EIF2AK1: variants seen among roughly 807,000 people sequenced by gnomAD.
EIF2AK1 encodes eukaryotic translation initiation factor 2 alpha kinase 1, also known as eukaryotic translation initiation factor 2-alpha kinase 1.
In EIF2AK1, 54 loss-of-function variants were observed where a neutral mutation model predicts 77.9. That is an observed-to-expected ratio of 0.69 (90% CI 0.56 to 0.87). EIF2AK1 has a LOEUF of 0.87. Among genes scored for constraint, EIF2AK1 ranks in the 40% least tolerant of loss-of-function variants. EIF2AK1 has a pLI of 0.00. For synonymous variants in EIF2AK1, 314 were observed against 290.5 expected (o/e 1.08, Z -0.82); for missense variants, 810 against 768.6 (o/e 1.05, Z -0.64).
intron 2 of EIF2AK1, among the ~76,000 whole-genome samples, chr7:6,051,496 C>A (rs547566357): frequency 1.3e-5 from 2 of 152,124 alleles, no homozygotes; most frequent in East Asian, 1.9e-4. Flanking sequence ...GTGGAGCGAT[C>A]TCAGATCACT....
chr7:6,028,863 G>C, intron 12 of EIF2AK1, 55 bp downstream of exon 12: 1 of 1,494,710 alleles, frequency 6.7e-7, no homozygotes, highest in Non-Finnish European at 9.2e-7. Context: ...ATACTAACAT[G>C]TGCAACCATG....
chr7:6,041,232 A>C lies in EIF2AK1; in HGVS notation c.792-13T>G. 1 of 1,587,824 alleles carries C rather than the reference A, an allele frequency of 6.3e-7. No individual in the cohort carries two copies. The highest frequency in any genetic ancestry group is 8.5e-7 in the Non-Finnish European group (1 of 1,172,184). On this transcript the variant is annotated splice_polypyrimidine_tract_variant and intron_variant, in intron 8 of 14. Coordinates refer to ENST00000199389, the MANE Select transcript of EIF2AK1 (RefSeq NM_014413.4). ...ACCACATTGCTCTCTGAAAAAAAAA[A>C]AAATAGTAAACATAAAAGTCAATGG...
rs57579824 is a variant in EIF2AK1, at chr7:6,045,733, T to TTATATATATATATATA, written c.630+322_630+337dup. 2.2e-4 allele frequency among the ~76,000 whole-genome samples: 31 copies of TTATATATATATATATA among 138,032 alleles called. No homozygotes were observed. The East Asian group carries it at 3.5e-3, about 15-fold the overall frequency. 90.6% of individuals were successfully genotyped at this position (138,032 alleles called of 152,430 possible). On this transcript the variant is annotated intron_variant, in intron 6 of 14. Coordinates refer to ENST00000199389, the MANE Select transcript of EIF2AK1 (RefSeq NM_014413.4). Reference sequence around the variant, plus strand: ...TTAAGAAGTTAACATATTTTAAAAATTATATATATATATATATATAAATTA... The same window carrying TTATATATATATATATA: ...TTAAGAAGTTAACATATTTTAAAAATTATATATATATATATATATATATATATATATATATAAATTA...
intron 1 of EIF2AK1, among the ~76,000 whole-genome samples, chr7:6,055,769 T>TC (rs1228783225): frequency 1.7e-4 from 26 of 149,250 alleles, no homozygotes; most frequent in Admixed American, 1.5e-3. Flanking sequence ...TCACCTAAGG[T>TC]CAGGAGTTCG....
intron 8 of EIF2AK1, 42 bp downstream of exon 8, chr7:6,042,891 C>A: frequency 6.5e-7 from 1 of 1,546,738 alleles, no homozygotes; most frequent in Non-Finnish European, 8.9e-7. Context: ...AAGCCCAATG[C>A]AGGTGACAAG....
chr7:6,048,555 G>A (rs552767752), intron 4 of EIF2AK1, among the ~76,000 whole-genome samples: 177 of 152,272 alleles, frequency 1.2e-3, no homozygotes, highest in African/African-American at 3.9e-3. Flanking sequence ...CCCCCTAACA[G>A]AGCCTGGGTA....
At chr7:6,040,769 G>T in intron 9 of EIF2AK1, 123 bp downstream of exon 9, 1 of 797,860 alleles carries the variant, frequency 1.3e-6, no homozygotes, top group Non-Finnish European at 2.0e-6. Flanking sequence ...AGGGGAACAT[G>T]GCCAGTACAA....
intron 3 of EIF2AK1, 58 bp downstream of exon 3, chr7:6,049,854 T>A (rs1788554485): frequency 6.8e-7 from 1 of 1,462,636 alleles, no homozygotes. Context: ...TAAAATATAA[T>A]TATCTTAAAA....
chr7:6,034,011 G>A (rs1450755517), intron 11 of EIF2AK1, among the ~76,000 whole-genome samples: 5 of 151,352 alleles, frequency 3.3e-5, no homozygotes, highest in Non-Finnish European at 5.9e-5. Context: ...TACTATCCGA[G>A]TGAATGAAAG....
At chr7:6,029,386 G>A (rs764433638) in intron 11 of EIF2AK1, among the ~76,000 whole-genome samples, 1 of 151,932 alleles carries the variant, frequency 6.6e-6, no homozygotes, top group Non-Finnish European at 1.5e-5. Flanking sequence ...CCTGCTACTA[G>A]GGAGACTGAG....
At position 6,044,614 on chromosome 7, in the gene EIF2AK1, A is replaced by C. The variant is rs1029123585; in HGVS notation, c.678T>G (p.Ile226Met). The change falls in exon 7 of 15, where the codon ATT becomes ATG. Residue 226 changes from isoleucine to methionine, a missense_variant. By Grantham distance (10) the Ile-to-Met change is conservative. Around this residue, in one of 3 missense-constraint regions of EIF2AK1, gnomAD observed 549 missense variants for 533.7 expected, o/e 1.03. Coordinates refer to ENST00000199389, the MANE Select transcript of EIF2AK1 (RefSeq NM_014413.4). ...CTATCCACGCGGTGTGATAGCCAAC[A>C]ATATTGGGGTGCTGAAGACCTGCCA... The part of the protein sequence containing the change: ...KVLAGLQHPN[I>M]VGYHTAWIEH... 6.2e-7 allele frequency: 1 copy of C among 1,614,078 alleles called. No homozygotes were observed. The highest frequency in any genetic ancestry group is 1.7e-5 in the Admixed American group (1 of 60,006).
Position 6,026,910 on chromosome 7 carries a change from C to T in EIF2AK1, c.1582G>A (p.Gly528Arg), listed in dbSNP as rs1787763523. ...ACTTCTGCTCGCTCCATTTCTGTTC[C>T]AAACGGCTGAAAGAGCTCTAGCAGG... ...VVLLELFQPF[G>R]TEMERAEVLT... is the part of the protein sequence containing the mutation. The change falls in exon 14 of 15, where the codon GGA becomes AGA. Residue 528 changes from glycine to arginine, a missense_variant. Coordinates refer to ENST00000199389, the MANE Select transcript of EIF2AK1 (RefSeq NM_014413.4). The T allele has an allele frequency of 6.2e-7, 1 of 1,613,984 alleles. No homozygotes were observed. Among genetic ancestry groups the T allele is most frequent in the Non-Finnish European group, 8.5e-7 (1 of 1,180,028 alleles).
chr7:6,031,207 AG>A (rs2128886029), intron 11 of EIF2AK1, among the ~76,000 whole-genome samples: 1 of 152,306 alleles, frequency 6.6e-6, no homozygotes, highest in Non-Finnish European at 1.5e-5. Flanking sequence ...TCTATGATCA[AG>A]GAACAAAGTC....
chr7:6,046,023 G>C (rs13238792), intron 6 of EIF2AK1, 48 bp downstream of exon 6: 1 of 1,275,122 alleles, frequency 7.8e-7, no homozygotes, highest in Non-Finnish European at 1.1e-6. Flanking sequence ...CTTTCAAAAA[G>C]AACTAAATAC....
Position 6,036,000 on chromosome 7 carries a change from G to C in EIF2AK1, c.1332+1424C>G. On this transcript the variant is annotated intron_variant, in intron 11 of 14. Coordinates refer to ENST00000199389, the MANE Select transcript of EIF2AK1 (RefSeq NM_014413.4). This position sits in a 1 kb window ranked among gnomAD's most constrained non-coding sequence, Gnocchi z 5.5. ...CCATGAGGCATGCTTTGGAGGCAGAGAGGCAATCATCAATCTCCTGCTTGA... is the reference window on the plus strand; with the variant it reads ...CCATGAGGCATGCTTTGGAGGCAGACAGGCAATCATCAATCTCCTGCTTGA... 3 of 1,551,102 alleles carry C rather than the reference G, an allele frequency of 1.9e-6. No individual in the cohort carries two copies. Among genetic ancestry groups the C allele is most frequent in the South Asian group, 1.2e-5 (1 of 84,052 alleles).
At chr7:6,045,230 C>G (rs143374193) in intron 6 of EIF2AK1, among the ~76,000 whole-genome samples, 2,025 of 152,016 alleles carry the variant, frequency 0.013, 21 homozygotes, top group Non-Finnish European at 0.02. Flanking sequence ...CTCAGCCTCC[C>G]GAGCAGCTGG....
rs748150480 is a variant in EIF2AK1, at chr7:6,044,668, A to G, written c.631-7T>C. The stretch of plus-strand genomic sequence containing the variant: ...CCTTCACTTCCCGTAGGACCTAGAA[A>G]AGAAATGGAAGTAGATCTGCCTTTT... On this transcript the variant is annotated splice_region_variant and splice_polypyrimidine_tract_variant and intron_variant, in intron 6 of 14. Transcript: ENST00000199389. 33 of 1,611,822 alleles carry G rather than the reference A, an allele frequency of 2.0e-5. No individual in the cohort carries two copies. Among genetic ancestry groups the G allele is most frequent in the Non-Finnish European group, 2.6e-5 (31 of 1,178,382 alleles).
intron 7 of EIF2AK1, 125 bp downstream of exon 7, chr7:6,044,437 C>G: frequency 2.7e-6 from 2 of 733,250 alleles, no homozygotes; most frequent in Non-Finnish European, 4.3e-6. Flanking sequence ...GACTCCGTCT[C>G]AAAAAAAAAT....
At position 6,024,662 on chromosome 7, in the gene EIF2AK1, TA is replaced by T. The variant is rs1329127308; in HGVS notation, c.*10del. 7 of 1,613,738 alleles carry T rather than the reference TA, an allele frequency of 4.3e-6. No homozygotes were observed. Among genetic ancestry groups the T allele is most frequent in the Non-Finnish European group, 5.9e-6 (7 of 1,179,964 alleles). ...CATTCCAGTTAACTACCTTAAAAGTTAAGTCCACTTTCATCCCACGCCCCCA... is the reference window on the plus strand; with the variant it reads ...CATTCCAGTTAACTACCTTAAAAGTTAGTCCACTTTCATCCCACGCCCCCA... On this transcript the variant is annotated 3_prime_UTR_variant, in exon 15 of 15. Coordinates refer to ENST00000199389, the MANE Select transcript of EIF2AK1 (RefSeq NM_014413.4).
Sources: gnomAD v4.1 joint callset for allele counts (sites outside exome capture counted in the v4.1 genomes callset) on GRCh38, gnomAD v4.1.1 for gene constraint, gnomAD v4.1.1 regional missense constraint, Gnocchi (gnomAD v3.1) non-coding constraint, MANE v1.5 for transcripts, NCBI Gene and HGNC (gene_info 2026-07-23, HGNC 2026-07-21) for gene names.